Variants in MPZL1 observed in about 807,000 individuals in gnomAD.
The protein encoded by MPZL1 is myelin protein zero like 1.
MPZL1 carries 16 observed loss-of-function variants against 29.3 expected under a neutral mutation model. The observed-to-expected ratio is 0.55, with a 90% CI of 0.37 to 0.83. The LOEUF (loss-of-function observed/expected upper bound fraction) is 0.83. Ranked by LOEUF, MPZL1 falls within the 40% of genes least tolerant of loss-of-function variation. The pLI is 0.00. For synonymous variants in MPZL1, 143 were observed against 132.0 expected, an observed-to-expected ratio of 1.08 and a Z score of -0.57; for missense variants, 279 against 332.9, an observed-to-expected ratio of 0.84 and a Z score of 1.26.
chr1:167,725,879 G>A (rs1384056719), intron 1 of MPZL1, among the ~76,000 whole-genome samples: 1 of 152,108 alleles, frequency 6.6e-6, no homozygotes, highest in East Asian at 1.9e-4. Flanking sequence ...GCCTCCCAAA[G>A]TGCTGGGATT....
At position 167,773,263 on chromosome 1, in the gene MPZL1, T is replaced by C. The variant is rs1661289332; in HGVS notation, c.500T>C (p.Val167Ala). Reference protein sequence around the residue: ...KENLPVFPVWVVVGIVTAVVL... With the variant: ...KENLPVFPVWAVVGIVTAVVL... ...AATTTGCCTGTGTTTCCAGTTTGGG[T>C]AGTGGTGGGCATAGTTACTGCTGTG... is the stretch of plus-strand genomic sequence containing the variant. The change falls in exon 4 of 6, where the codon GTA becomes GCA. Residue 167 changes from valine (V) to alanine (A), a missense_variant. Transcript: ENST00000359523. 1.9e-6 allele frequency: 3 copies of C among 1,613,516 alleles called. No homozygotes were observed. Among genetic ancestry groups the C allele is most frequent in the East Asian group, 2.2e-5 (1 of 44,870 alleles).
chr1:167,750,491 C>T (rs780811136), intron 1 of MPZL1, among the ~76,000 whole-genome samples: 14 of 152,176 alleles, frequency 9.2e-5, no homozygotes, highest in Admixed American at 5.2e-4. Flanking sequence ...CGTGAGCCAC[C>T]GTGCCTGGCC....
intron 1 of MPZL1, among the ~76,000 whole-genome samples, chr1:167,747,169 T>G (rs1041484460): frequency 2.0e-5 from 3 of 152,236 alleles, no homozygotes; most frequent in Admixed American, 6.5e-5. Flanking sequence ...GCATAGAGCC[T>G]GCATTGCTAA....
chr1:167,736,198 A>C (rs1356880972), intron 1 of MPZL1, among the ~76,000 whole-genome samples: 2 of 151,990 alleles, frequency 1.3e-5, no homozygotes, highest in Non-Finnish European at 2.9e-5. Context: ...CTGTGGCCCC[A>C]ATGTTGATTT....
chr1:167,747,149 G>A (rs947001460), intron 1 of MPZL1, among the ~76,000 whole-genome samples: 1 of 152,184 alleles, frequency 6.6e-6, no homozygotes, highest in African/African-American at 2.4e-5. Flanking sequence ...GCCCATAAGC[G>A]AATTGTTTTG....
At chr1:167,749,880 G>T (rs1465860241) in intron 1 of MPZL1, among the ~76,000 whole-genome samples, 1 of 152,226 alleles carries the variant, frequency 6.6e-6, no homozygotes, top group Non-Finnish European at 1.5e-5. Flanking sequence ...CAGCTGGCCT[G>T]ATCTGCATGG....
chr1:167,759,357 A>G (rs16859553), intron 1 of MPZL1, among the ~76,000 whole-genome samples: 3,774 of 152,268 alleles, frequency 0.025, 143 homozygotes, highest in African/African-American at 0.086. Flanking sequence ...TAATTTTACT[A>G]TGTATTCCCA....
chr1:167,722,209 C>CT lies in MPZL1; in HGVS notation c.59dup (p.Trp21ValfsTer44). On this transcript the variant is annotated frameshift_variant, in exon 1 of 6. Transcript: ENST00000359523. LOFTEE classifies it high-confidence loss of function. ...TGCAGCCCCAGACAGCCGGCGCTGG[C>CT]TGTGGTCGGTGCTGGCGGCGGCGCT... 2 of 1,239,378 alleles carry CT rather than the reference C, an allele frequency of 1.6e-6. No homozygotes were observed. The highest frequency in any genetic ancestry group is 2.0e-6 in the Non-Finnish European group (2 of 987,956). The allele number at this position is 1,239,378 out of a possible 1,614,324, so 76.8% of individuals were successfully genotyped here.
chr1:167,778,284 G>T (rs749548745), intron 5 of MPZL1, among the ~76,000 whole-genome samples: 4 of 151,536 alleles, frequency 2.6e-5, no homozygotes, highest in Admixed American at 1.3e-4. Flanking sequence ...TCACACCACT[G>T]GCACTCCAGC....
intron 1 of MPZL1, among the ~76,000 whole-genome samples, chr1:167,747,673 A>T (rs1337891291): frequency 6.6e-6 from 1 of 152,098 alleles, no homozygotes; most frequent in Non-Finnish European, 1.5e-5. Context: ...GAGATATTTT[A>T]TGGAGATGTG....
rs1340598033 is a variant in MPZL1, at chr1:167,791,361, C to CCCA, written c.*3440_*3441insCCA. The CCCA allele has an allele frequency of 6.6e-6, 1 of 152,256 alleles. No homozygotes were observed. The highest frequency in any genetic ancestry group is 1.5e-5 in the Non-Finnish European group (1 of 68,062). The allele number at this position is 152,256 out of a possible 1,614,324, so 9.4% of individuals were successfully genotyped here. On this transcript the variant is annotated 3_prime_UTR_variant, in exon 6 of 6. Coordinates refer to ENST00000359523, the MANE Select transcript of MPZL1 (RefSeq NM_003953.6). ...GAACAATCCTGTGCCAAGCACTGTG[C>CCCA]TAAGCATAAGGAAACAAAACAAGAC... is the stretch of plus-strand genomic sequence containing the variant.
chr1:167,739,298 TATATATATATAC>T (rs1660462405), intron 1 of MPZL1, among the ~76,000 whole-genome samples: 2 of 116,708 alleles, frequency 1.7e-5, no homozygotes, highest in Admixed American at 1.7e-4. Flanking sequence ...TATATATATA[TATATATATATAC>T]ACATATATAT....
rs1216394992 is a variant in MPZL1, at chr1:167,787,982, A to T, written c.*61A>T. 1 of 1,401,176 alleles carries T rather than the reference A, an allele frequency of 7.1e-7. No homozygotes were observed. Among genetic ancestry groups the T allele is most frequent in the Admixed American group, 1.7e-5 (1 of 58,146 alleles). The allele number at this position is 1,401,176 out of a possible 1,614,324, so 86.8% of individuals were successfully genotyped here. On this transcript the variant is annotated 3_prime_UTR_variant, in exon 6 of 6. Transcript: ENST00000359523. ...AACCAAACTGGACTCTCGTGCAGAA[A>T]ATGTAGCCCATTACCACATGTAGCC...
chr1:167,737,610 C>T (rs1381523740), intron 1 of MPZL1, among the ~76,000 whole-genome samples: 1 of 152,126 alleles, frequency 6.6e-6, no homozygotes. Flanking sequence ...TGGGATAAGC[C>T]CAGTAGATGT....
chr1:167,782,708 G>A (rs1329301111), intron 5 of MPZL1, among the ~76,000 whole-genome samples: 1 of 152,146 alleles, frequency 6.6e-6, no homozygotes, highest in Non-Finnish European at 1.5e-5. Context: ...TTGAGATAGG[G>A]AGATTGTCTT....
At chr1:167,766,835 T>G (rs1257501136) in intron 2 of MPZL1, among the ~76,000 whole-genome samples, 3 of 152,206 alleles carry the variant, frequency 2.0e-5, no homozygotes, top group Non-Finnish European at 4.4e-5. Flanking sequence ...TACGGTATGA[T>G]TTCCCTTATG....
At chr1:167,778,568 A>ATAGATT (rs1558125263) in intron 5 of MPZL1, among the ~76,000 whole-genome samples, 5 of 125,692 alleles carry the variant, frequency 4.0e-5, no homozygotes, top group Non-Finnish European at 6.8e-5. Context: ...ATGGATGGAT[A>ATAGATT]GATTTAAAAA....
intron 1 of MPZL1, among the ~76,000 whole-genome samples, chr1:167,734,750 CA>C (rs1325138547): frequency 6.6e-6 from 1 of 152,120 alleles, no homozygotes; most frequent in African/African-American, 2.4e-5. Flanking sequence ...GCAGCTGCCT[CA>C]GGGGAGGCCA....
intron 3 of MPZL1, 32 bp from the exon 4 acceptor site, chr1:167,773,204 T>C: frequency 6.3e-7 from 1 of 1,598,194 alleles, no homozygotes. Flanking sequence ...TGTAGCAATG[T>C]ACCTTAAAAC....
Sources: gnomAD v4.1 joint callset for allele counts (sites outside exome capture counted in the v4.1 genomes callset) on GRCh38, gnomAD v4.1.1 for gene constraint, MANE v1.5 for transcripts, NCBI Gene and HGNC (gene_info 2026-07-23, HGNC 2026-07-21) for gene names.